The following RBFOX1 variants were observed in gnomAD, a reference collection of about 807,000 sequenced individuals.
RBFOX1 encodes RNA binding protein fox-1 homolog 1.
In RBFOX1, 8 loss-of-function variants were observed where a neutral mutation model predicts 57.7. The ratio of observed to expected loss-of-function variants is 0.14; its 90% CI spans 0.08 to 0.25. The LOEUF (loss-of-function observed/expected upper bound fraction) is 0.25. Among genes scored for constraint, RBFOX1 ranks in the 10% least tolerant of loss-of-function variants. The pLI, the probability that RBFOX1 is intolerant of heterozygous loss-of-function variation, is 1.00. For synonymous variants in RBFOX1, 326 were observed against 222.4 expected (o/e 1.47, Z -4.15); for missense variants, 611 against 548.5 (o/e 1.11, Z -1.14).
chr16:7,506,248 A>C (rs2073255778), intron 4 of RBFOX1, among the ~76,000 whole-genome samples: 1 of 151,978 alleles, frequency 6.6e-6, no homozygotes. Context: ...TACCAGAACA[A>C]AAGTTTATAT....
intron 5 of RBFOX1, among the ~76,000 whole-genome samples, chr16:7,540,081 C>T (rs1429498648): frequency 6.6e-6 from 1 of 152,202 alleles, no homozygotes; most frequent in African/African-American, 2.4e-5. Flanking sequence ...ATTGCTACTG[C>T]TTTGCAGAAA....
At chr16:5,779,827 G>A (rs368767003) in intron 3 of RBFOX1, among the ~76,000 whole-genome samples, 2 of 152,242 alleles carry the variant, frequency 1.3e-5, no homozygotes, top group Non-Finnish European at 1.5e-5. Flanking sequence ...CTAGCTCTCC[G>A]TTTGCCTACA....
chr16:7,560,122 C>T (rs1207548226), intron 5 of RBFOX1, among the ~76,000 whole-genome samples: 1 of 152,208 alleles, frequency 6.6e-6, no homozygotes, highest in African/African-American at 2.4e-5. Context: ...ATTCAGCAGG[C>T]TGTACCTGGA....
intron 3 of RBFOX1, among the ~76,000 whole-genome samples, chr16:5,677,876 G>A (rs983868323): frequency 6.6e-6 from 1 of 152,198 alleles, no homozygotes; most frequent in African/African-American, 2.4e-5. Context: ...GGTGCAAAGA[G>A]AGATGAAGTG....
At chr16:6,597,301 A>G (rs2097785990) in intron 2 of RBFOX1, among the ~76,000 whole-genome samples, 1 of 152,146 alleles carries the variant, frequency 6.6e-6, no homozygotes, top group African/African-American at 2.4e-5. Flanking sequence ...CCCTAAAGCC[A>G]TCTGAGTCCC....
chr16:6,836,316 A>T (rs1211600106), intron 3 of RBFOX1, among the ~76,000 whole-genome samples: 1 of 151,772 alleles, frequency 6.6e-6, no homozygotes, highest in Non-Finnish European at 1.5e-5. Flanking sequence ...CTGTGGTTGA[A>T]TTACTCCAAA....
At chr16:7,184,636 T>G (rs1446363247) in intron 4 of RBFOX1, among the ~76,000 whole-genome samples, 2 of 152,072 alleles carry the variant, frequency 1.3e-5, no homozygotes, top group Non-Finnish European at 2.9e-5. Context: ...AGTCACAGTA[T>G]ACCATGCTTG....
At chr16:5,548,568 G>T (rs1294419722) in intron 2 of RBFOX1, among the ~76,000 whole-genome samples, 1 of 151,964 alleles carries the variant, frequency 6.6e-6, no homozygotes, top group Non-Finnish European at 1.5e-5. Flanking sequence ...CATTCTCCAT[G>T]ATGTGTTTAT....
chr16:7,057,885 G>A (rs1321299492), intron 4 of RBFOX1, among the ~76,000 whole-genome samples: 1 of 151,794 alleles, frequency 6.6e-6, no homozygotes, highest in Non-Finnish European at 1.5e-5. Context: ...GCGGGCGCCT[G>A]TAGTCCCAGC....
intron 3 of RBFOX1, among the ~76,000 whole-genome samples, chr16:6,910,085 G>A (rs1386137960): frequency 2.0e-5 from 3 of 151,916 alleles, no homozygotes; most frequent in African/African-American, 7.3e-5. Context: ...GTGCCTGTAC[G>A]TCCCACCCTG....
intron 3 of RBFOX1, among the ~76,000 whole-genome samples, chr16:6,749,208 C>A (rs1254547814): frequency 6.6e-6 from 1 of 152,168 alleles, no homozygotes; most frequent in Non-Finnish European, 1.5e-5. Context: ...GCTGTGCATT[C>A]CAGGCAAGAT....
Position 7,713,007 on chromosome 16 carries a change from T to C in RBFOX1, c.*2262T>C, listed in dbSNP as rs2084220659. The C allele has an allele frequency of 6.6e-6, 1 of 152,258 alleles. No homozygotes were observed. Among genetic ancestry groups the C allele is most frequent in the Admixed American group, 6.5e-5 (1 of 15,288 alleles). 9.4% of individuals were successfully genotyped at this position (152,258 alleles called of 1,614,324 possible). A position where few individuals can be genotyped will look rare whatever the true frequency, so the allele number is the denominator to read the frequency against. ...TAGAGTGAGTGAGTGCCAACCGATG[T>C]TGCAGAATCTTTTGTCTAGGCACTC... On this transcript the variant is annotated 3_prime_UTR_variant, in exon 16 of 16. Transcript: ENST00000550418.
At chr16:6,991,519 T>A (rs1406865423) in intron 3 of RBFOX1, among the ~76,000 whole-genome samples, 1 of 152,156 alleles carries the variant, frequency 6.6e-6, no homozygotes, top group East Asian at 1.9e-4. Flanking sequence ...ATCAACCCAC[T>A]TCTCAAATGT....
chr16:6,910,130 T>A (rs72770675), intron 3 of RBFOX1, among the ~76,000 whole-genome samples: 2 of 152,142 alleles, frequency 1.3e-5, no homozygotes, highest in Non-Finnish European at 2.9e-5. Context: ...GCAAAGAGAT[T>A]GGGCATTCTA....
intron 4 of RBFOX1, among the ~76,000 whole-genome samples, chr16:7,216,374 AC>A (rs2092047805): frequency 6.6e-6 from 1 of 151,944 alleles, no homozygotes; most frequent in Admixed American, 6.6e-5. Context: ...TCTACCCTAG[AC>A]CGGGCGCAGT....
chr16:7,566,984 T>G (rs1434387127), intron 5 of RBFOX1, among the ~76,000 whole-genome samples: 5 of 151,688 alleles, frequency 3.3e-5, no homozygotes, highest in African/African-American at 1.2e-4. Flanking sequence ...TAAAGGGAAA[T>G]ACCACCCAAA....
At chr16:5,248,178 A>T (rs973797377) in intron 1 of RBFOX1, among the ~76,000 whole-genome samples, 1 of 152,244 alleles carries the variant, frequency 6.6e-6, no homozygotes, top group African/African-American at 2.4e-5. Context: ...GGGAGATAAA[A>T]GAATGGTTTC....
chr16:6,647,165 T>A (rs542218008), intron 2 of RBFOX1, among the ~76,000 whole-genome samples: 1 of 152,318 alleles, frequency 6.6e-6, no homozygotes, highest in South Asian at 2.1e-4. Flanking sequence ...TTCCTGGGCT[T>A]ACGCTACCAG....
chr16:6,595,886 C>G (rs571408440), intron 2 of RBFOX1, among the ~76,000 whole-genome samples: 7 of 152,008 alleles, frequency 4.6e-5, no homozygotes, highest in African/African-American at 1.7e-4. Context: ...AAAAATACTT[C>G]GCCAACTTTT....
Sources: gnomAD v4.1 joint callset for allele counts (sites outside exome capture counted in the v4.1 genomes callset) on GRCh38, gnomAD v4.1.1 for gene constraint, MANE v1.5 for transcripts, NCBI Gene and HGNC (gene_info 2026-07-23, HGNC 2026-07-21) for gene names.